The following EPHA7 variants were observed in gnomAD, a reference collection of about 807,000 sequenced individuals.
EPHA7 encodes EPH receptor A7.
In EPHA7, 25 loss-of-function variants were observed where a neutral mutation model predicts 112.6. The observed-to-expected ratio is 0.22, with a 90% CI of 0.16 to 0.31. The LOEUF is 0.31. EPHA7 is among the 10% of genes least tolerant of loss of function. EPHA7 has a pLI of 1.00. For missense variants in EPHA7, 962 were observed against 1,212.6 expected (o/e 0.79, Z 3.07); for synonymous variants, 437 against 406.5 (o/e 1.07, Z -0.90).
intron 9 of EPHA7, among the ~76,000 whole-genome samples, chr6:93,260,178 T>C (rs1770622931): frequency 6.6e-6 from 1 of 151,900 alleles, no homozygotes; most frequent in Non-Finnish European, 1.5e-5. Flanking sequence ...TGACAGCGAT[T>C]TGAAAGAGGA....
At chr6:93,245,561 T>C (rs1312050248) in intron 15 of EPHA7, 108 bp from the exon 16 acceptor site, 2 of 1,104,008 alleles carry the variant, frequency 1.8e-6, no homozygotes, top group East Asian at 2.6e-5. Context: ...GATGTTTTAA[T>C]TGGTGTACAT....
chr6:93,361,681 T>C (rs1245697965), intron 3 of EPHA7, among the ~76,000 whole-genome samples: 4 of 152,062 alleles, frequency 2.6e-5, no homozygotes, highest in African/African-American at 7.2e-5. Flanking sequence ...CAGAGGTAAA[T>C]GCCTTCTGAA....
chr6:93,266,183 T>G (rs991255519), intron 7 of EPHA7, among the ~76,000 whole-genome samples: 2 of 151,736 alleles, frequency 1.3e-5, no homozygotes, highest in African/African-American at 4.8e-5. Context: ...TTTTAAAAAT[T>G]TGCTTATTTT....
chr6:93,269,988 A>G (rs1242801890), intron 6 of EPHA7, among the ~76,000 whole-genome samples: 2 of 151,760 alleles, frequency 1.3e-5, no homozygotes, highest in African/African-American at 2.4e-5. Context: ...CACCTGTACA[A>G]TCTACAGTTT....
intron 9 of EPHA7, 98 bp from the exon 10 acceptor site, chr6:93,259,577 G>T: frequency 6.9e-7 from 1 of 1,439,876 alleles, no homozygotes; most frequent in Non-Finnish European, 9.6e-7. Flanking sequence ...TTGGAACAGT[G>T]AACTTGCTTC....
At chr6:93,259,262 T>C in intron 10 of EPHA7, 92 bp downstream of exon 10, 4 of 1,510,816 alleles carry the variant, frequency 2.6e-6, no homozygotes, top group Non-Finnish European at 3.6e-6. Flanking sequence ...AGTTCTATAC[T>C]TGAGGGATAA....
In EPHA7 at chr6:93,254,742, A is replaced by G; in HGVS notation, c.2437T>C (p.Phe813Leu). The G allele has an allele frequency of 6.2e-7, 1 of 1,613,532 alleles. No individual in the cohort carries two copies. The highest frequency in any genetic ancestry group is 8.5e-7 in the Non-Finnish European group (1 of 1,179,638). The part of the protein sequence containing the change: ...TAPEAIQYRK[F>L]TSASDVWSYG... ...CTCCATACATCACTGGCTGATGTGAATTTCCGGTACTGGATGGCTTCGGGT... is the reference window on the plus strand; with the variant it reads ...CTCCATACATCACTGGCTGATGTGAGTTTCCGGTACTGGATGGCTTCGGGT... The change falls in exon 14 of 17, where the codon TTC (phenylalanine) becomes CTC (leucine). Residue 813 changes from phenylalanine (F) to leucine (L), a missense_variant. Physicochemically the swap from Phe to Leu is conservative, Grantham distance 22 (BLOSUM62 0). Around this residue, in one of 3 missense-constraint regions of EPHA7, gnomAD observed 746 missense variants for 889.2 expected, o/e 0.84. Coordinates refer to ENST00000369303, the MANE Select transcript of EPHA7 (RefSeq NM_004440.4).
intron 9 of EPHA7, chr6:93,260,842 AGAAGAAG>A: frequency 1.5e-6 from 1 of 661,754 alleles, no homozygotes; most frequent in Non-Finnish European, 1.9e-6. Flanking sequence ...GAGAAAAGAG[AGAAGAAG>A]GAGTATAGGG....
intron 3 of EPHA7, among the ~76,000 whole-genome samples, chr6:93,366,440 T>C (rs1306431954): frequency 6.6e-6 from 1 of 152,210 alleles, no homozygotes; most frequent in African/African-American, 2.4e-5. Flanking sequence ...AACACAGTAA[T>C]GAAATGTCTA....
intron 3 of EPHA7, among the ~76,000 whole-genome samples, chr6:93,369,122 C>CT (rs754187296): frequency 1.2e-4 from 18 of 148,942 alleles, no homozygotes; most frequent in Non-Finnish European, 2.5e-4. Flanking sequence ...TCAATCCTTT[C>CT]TTTTTTAAAA....
rs17688551 is a variant in EPHA7, at chr6:93,374,258, T to C, written c.833-15847A>G. The stretch of plus-strand genomic sequence containing the variant: ...CATATCTGACCTCTGGGTTAGGTAA[T>C]TGAGTCCCTCATCTGTCTTCCCACT... On this transcript the variant is annotated intron_variant, in intron 3 of 16. Coordinates refer to ENST00000369303, the MANE Select transcript of EPHA7 (RefSeq NM_004440.4). Among the ~76,000 whole-genome samples, 1,030 of 152,294 alleles carry C rather than the reference T, an allele frequency of 6.8e-3. 4 individuals carry two copies. Among genetic ancestry groups the C allele is most frequent in the Non-Finnish European group, 0.011 (727 of 68,006 alleles).
intron 3 of EPHA7, among the ~76,000 whole-genome samples, chr6:93,373,380 G>A (rs1776897228): frequency 6.6e-6 from 1 of 152,122 alleles, no homozygotes; most frequent in South Asian, 2.1e-4. Context: ...AAAAAGACTT[G>A]AGTCAAGAAC....
chr6:93,330,318 C>G (rs1177887633), intron 5 of EPHA7, among the ~76,000 whole-genome samples: 1 of 151,206 alleles, frequency 6.6e-6, no homozygotes, highest in Non-Finnish European at 1.5e-5. Flanking sequence ...ATCCTCTCTT[C>G]TAGCTATTTG....
intron 1 of EPHA7, among the ~76,000 whole-genome samples, chr6:93,418,517 C>G (rs950730721): frequency 6.6e-6 from 1 of 152,232 alleles, no homozygotes; most frequent in Non-Finnish European, 1.5e-5. Context: ...CCTGCCTCCA[C>G]GGCCCGACCA....
chr6:93,407,397 C>T (rs11968048), intron 3 of EPHA7, among the ~76,000 whole-genome samples: 6,225 of 152,042 alleles, frequency 0.041, 176 homozygotes, highest in Non-Finnish European at 0.054. Context: ...AAAGGCAAGC[C>T]TGGAGTGATT....
At chr6:93,419,140 C>A (rs1779400939) in intron 1 of EPHA7, 105 bp downstream of exon 1, 1 of 900,954 alleles carries the variant, frequency 1.1e-6, no homozygotes, top group Non-Finnish European at 1.6e-6. Flanking sequence ...GGGAGGGTCG[C>A]CCGGCGCCGG....
intron 3 of EPHA7, among the ~76,000 whole-genome samples, chr6:93,391,646 A>G (rs1406420815): frequency 3.3e-5 from 5 of 152,062 alleles, no homozygotes; most frequent in Admixed American, 1.3e-4. Context: ...ATTTATGAAT[A>G]TATCTATAGG....
intron 5 of EPHA7, among the ~76,000 whole-genome samples, chr6:93,294,686 G>A (rs1772562749): frequency 6.6e-6 from 1 of 151,896 alleles, no homozygotes; most frequent in Non-Finnish European, 1.5e-5. Flanking sequence ...ATTATAACAT[G>A]CCAGCTCTCA....
At chr6:93,248,679 A>ACAAT (rs1239898793) in intron 14 of EPHA7, among the ~76,000 whole-genome samples, 2 of 151,544 alleles carry the variant, frequency 1.3e-5, no homozygotes, top group Non-Finnish European at 2.9e-5. Context: ...TTAAAAACAA[A>ACAAT]CAAACAAACA....
Sources: gnomAD v4.1 joint callset for allele counts (sites outside exome capture counted in the v4.1 genomes callset) on GRCh38, gnomAD v4.1.1 for gene constraint, gnomAD v4.1.1 regional missense constraint, MANE v1.5 for transcripts, NCBI Gene and HGNC (gene_info 2026-07-23, HGNC 2026-07-21) for gene names.